The following NXPH2 variants were observed in gnomAD, a reference collection of about 807,000 sequenced individuals.
The protein encoded by NXPH2 is neurexophilin-2.
A neutral mutation model predicts 19.8 loss-of-function variants in NXPH2; 5 were observed. The ratio of observed to expected loss-of-function variants is 0.25; its 90% CI spans 0.13 to 0.53. The LOEUF (loss-of-function observed/expected upper bound fraction) is 0.53. Among genes scored for constraint, NXPH2 ranks in the 20% least tolerant of loss-of-function variants. NXPH2 has a pLI of 0.96. For synonymous variants in NXPH2, 154 were observed against 127.4 expected (o/e 1.21, Z -1.41); for missense variants, 289 against 322.8 (o/e 0.90, Z 0.80).
chr2:138,728,681 G>A (rs1251654722), intron 1 of NXPH2, among the ~76,000 whole-genome samples: 3 of 152,150 alleles, frequency 2.0e-5, no homozygotes, highest in Non-Finnish European at 4.4e-5. Context: ...ATTCCTACAT[G>A]AAAATCCTGC....
chr2:138,721,690 G>A (rs1681281469), intron 1 of NXPH2, among the ~76,000 whole-genome samples: 1 of 152,138 alleles, frequency 6.6e-6, no homozygotes, highest in South Asian at 2.1e-4. Context: ...AGCTACAGAA[G>A]AGACACAAAC....
chr2:138,768,023 T>C (rs1258516884), intron 1 of NXPH2, among the ~76,000 whole-genome samples: 1 of 152,210 alleles, frequency 6.6e-6, no homozygotes, highest in Non-Finnish European at 1.5e-5. Context: ...ATTTTGTCAG[T>C]TATAAATTTC....
chr2:138,728,155 GCTCTCTCTCTCT>G (rs58409379), intron 1 of NXPH2, among the ~76,000 whole-genome samples: 12 of 148,648 alleles, frequency 8.1e-5, no homozygotes, highest in Non-Finnish European at 1.8e-4. Flanking sequence ...ACCAGAGTGC[GCTCTCTCTCTCT>G]CTCTCTCTCT....
In NXPH2 at chr2:138,746,071, G is replaced by A. The variant is rs183508612; in HGVS notation, c.51+34120C>T. The stretch of plus-strand genomic sequence containing the variant: ...GTGGCAGCACACAGGGGAATTCGTC[G>A]TCCTGTATGGAAGCTGTCTGAATGG... On this transcript the variant is annotated intron_variant, in intron 1 of 1. Transcript: ENST00000272641. Among the ~76,000 whole-genome samples, 26 of 152,280 alleles carry A rather than the reference G, an allele frequency of 1.7e-4. No homozygotes were observed. The South Asian group carries it at 2.1e-3, about 12-fold the overall frequency.
intron 1 of NXPH2, among the ~76,000 whole-genome samples, chr2:138,677,936 T>C (rs1680510817): frequency 6.6e-6 from 1 of 152,228 alleles, no homozygotes; most frequent in Non-Finnish European, 1.5e-5. Flanking sequence ...CACTATAGTA[T>C]ATTTGCCACA....
intron 1 of NXPH2, among the ~76,000 whole-genome samples, chr2:138,704,370 A>C (rs1443857326): frequency 6.6e-6 from 1 of 152,230 alleles, no homozygotes; most frequent in Non-Finnish European, 1.5e-5. Flanking sequence ...AGTACAGTCT[A>C]CAAACTATCA....
At chr2:138,720,161 G>C (rs966161398) in intron 1 of NXPH2, among the ~76,000 whole-genome samples, 1 of 151,692 alleles carries the variant, frequency 6.6e-6, no homozygotes, top group Non-Finnish European at 1.5e-5. Context: ...AAAAAACAGA[G>C]GCTATATGGT....
intron 1 of NXPH2, among the ~76,000 whole-genome samples, chr2:138,737,023 T>A (rs1251780876): frequency 6.6e-6 from 1 of 152,206 alleles, no homozygotes; most frequent in African/African-American, 2.4e-5. Flanking sequence ...ATTTTGGGCA[T>A]AGCCATTCAA....
chr2:138,710,132 T>C (rs1401806360), intron 1 of NXPH2, among the ~76,000 whole-genome samples: 1 of 152,212 alleles, frequency 6.6e-6, no homozygotes, highest in Non-Finnish European at 1.5e-5. Flanking sequence ...TTACTTATTA[T>C]TTAATATTTC....
chr2:138,768,804 G>T (rs1488065442), intron 1 of NXPH2, among the ~76,000 whole-genome samples: 1 of 152,158 alleles, frequency 6.6e-6, no homozygotes, highest in African/African-American at 2.4e-5. Context: ...TACATTTTTT[G>T]TAAGTAATTA....
At chr2:138,747,468 C>T (rs1262539910) in intron 1 of NXPH2, among the ~76,000 whole-genome samples, 5 of 152,148 alleles carry the variant, frequency 3.3e-5, no homozygotes, top group East Asian at 1.9e-4. Context: ...GAAGGGGCCC[C>T]GTGTGGTACA....
At chr2:138,733,247 A>G (rs1283384617) in intron 1 of NXPH2, among the ~76,000 whole-genome samples, 1 of 152,242 alleles carries the variant, frequency 6.6e-6, no homozygotes, top group Non-Finnish European at 1.5e-5. Context: ...TGAATGGTTT[A>G]GTGATAAGTG....
chr2:138,711,145 C>CT (rs397766605), intron 1 of NXPH2, among the ~76,000 whole-genome samples: 8 of 91,088 alleles, frequency 8.8e-5, no homozygotes, highest in African/African-American at 2.4e-4. Context: ...ATTTCTATCA[C>CT]TTTTTTTTTT....
chr2:138,716,828 A>G (rs938123826), intron 1 of NXPH2, among the ~76,000 whole-genome samples: 6 of 152,208 alleles, frequency 3.9e-5, no homozygotes, highest in East Asian at 1.9e-4. Context: ...TTAAGAAAGT[A>G]TGATCAAATC....
At chr2:138,713,371 C>T (rs1197410574) in intron 1 of NXPH2, among the ~76,000 whole-genome samples, 1 of 152,114 alleles carries the variant, frequency 6.6e-6, no homozygotes, top group East Asian at 1.9e-4. Flanking sequence ...TTATTTGTCC[C>T]CCAGCCATCT....
chr2:138,702,598 C>T (rs1680945687), intron 1 of NXPH2, among the ~76,000 whole-genome samples: 2 of 147,240 alleles, frequency 1.4e-5, no homozygotes, highest in African/African-American at 5.0e-5. Flanking sequence ...AACCCCCACA[C>T]AATAAGCTGC....
chr2:138,679,400 ATT>A (rs34158790), intron 1 of NXPH2, among the ~76,000 whole-genome samples: 9 of 139,928 alleles, frequency 6.4e-5, no homozygotes, highest in Non-Finnish European at 4.6e-5. Flanking sequence ...AGAGGCCTGA[ATT>A]TTTTTTTTTT....
chr2:138,740,533 G>C (rs971340970), intron 1 of NXPH2, among the ~76,000 whole-genome samples: 2 of 152,208 alleles, frequency 1.3e-5, no homozygotes, highest in East Asian at 3.9e-4. Flanking sequence ...GTCCAATTAA[G>C]TTACTAAGCC....
chr2:138,712,886 T>A (rs1266321073), intron 1 of NXPH2, among the ~76,000 whole-genome samples: 2 of 152,208 alleles, frequency 1.3e-5, no homozygotes, highest in Admixed American at 6.5e-5. Flanking sequence ...CCAATATTAT[T>A]GAGAAAAGGA....
Sources: allele counts gnomAD v4.1 joint callset (sites outside exome capture counted in the v4.1 genomes callset), GRCh38; gene constraint gnomAD v4.1.1; transcripts MANE v1.5; gene names NCBI Gene and HGNC (gene_info 2026-07-23, HGNC 2026-07-21).